The following CCDC60 variants were observed in gnomAD, a reference collection of about 807,000 sequenced individuals.
CCDC60 encodes the protein coiled-coil domain containing 60.
In CCDC60, 54 loss-of-function variants were observed where a neutral mutation model predicts 63.5. That is an observed-to-expected ratio of 0.85 (90% CI 0.68 to 1.07). The LOEUF is 1.07. Among genes scored for constraint, CCDC60 ranks in the 50% least tolerant of loss-of-function variants. The pLI is 0.00. For missense variants in CCDC60, 651 were observed against 684.3 expected (o/e 0.95, Z 0.54); for synonymous variants, 206 against 238.8 (o/e 0.86, Z 1.27).
chr12:119,540,783 C>T lies in CCDC60; in HGVS notation c.*68C>T. 9.1e-7 allele frequency: 1 copy of T among 1,098,244 alleles called. No homozygotes were observed. The highest frequency in any genetic ancestry group is 1.3e-5 in the South Asian group (1 of 77,296). 68.0% of individuals were successfully genotyped at this position (1,098,244 alleles called of 1,614,324 possible). On this transcript the variant is annotated 3_prime_UTR_variant, in exon 14 of 14. Transcript: ENST00000327554. ...GCCTATATCATGTTCCTGTATCCTG[C>T]CTGTGTTCCTGCCTCCTGACTACCC...
Position 119,346,832 on chromosome 12 carries a change from C to CTTTCTTTCTTTCTTTCTTTCT in CCDC60, c.90+11569_90+11570insCTTTCTTTCTTTCTTTCTTTT, listed in dbSNP as rs1555230529. The stretch of plus-strand genomic sequence containing the variant: ...TCTTTCTTTCTTTCTTTCTTTCTTT[C>CTTTCTTTCTTTCTTTCTTTCT]TTTTTTTTTTGAGACAGAGTCTTGC... On this transcript the variant is annotated intron_variant, in intron 1 of 13. Coordinates refer to ENST00000327554, the MANE Select transcript of CCDC60 (RefSeq NM_178499.5). Among the ~76,000 whole-genome samples the CTTTCTTTCTTTCTTTCTTTCT allele has an allele frequency of 9.4e-4, 86 of 91,076 alleles. 1 individual carries two copies. The highest frequency in any genetic ancestry group is 0.013 in the Middle Eastern group (2 of 158). The allele number at this position is 91,076 out of a possible 152,430, so 59.7% of individuals were successfully genotyped here.
At chr12:119,444,842 G>A (rs925624532) in intron 2 of CCDC60, among the ~76,000 whole-genome samples, 1 of 152,180 alleles carries the variant, frequency 6.6e-6, no homozygotes, top group African/African-American at 2.4e-5. Context: ...ATCCCTGCTC[G>A]ATCTAAGGGA....
At chr12:119,499,930 C>A (rs1388738651) in intron 5 of CCDC60, 148 bp from the exon 6 acceptor site, 9 of 683,698 alleles carry the variant, frequency 1.3e-5, no homozygotes, top group South Asian at 1.2e-4. Context: ...AACTATCCCC[C>A]CCATTTCTTC....
At chr12:119,534,194 G>A (rs13385160) in intron 13 of CCDC60, among the ~76,000 whole-genome samples, 6,895 of 152,198 alleles carry the variant, frequency 0.045, 469 homozygotes, top group African/African-American at 0.16. Flanking sequence ...GTGAATGGGA[G>A]TTCACCCATG....
In CCDC60 at chr12:119,335,235, G is replaced by A. The variant is rs150069433; in HGVS notation, c.59G>A (p.Arg20Gln). 1,247 of 1,604,104 alleles carry A rather than the reference G, an allele frequency of 7.8e-4. 1 individual carries two copies. The highest frequency in any genetic ancestry group is 6.6e-4 in the Non-Finnish European group (775 of 1,175,778). The change falls in exon 1 of 14, where the codon CGG becomes CAG. Residue 20 changes from arginine to glutamine, a missense_variant. Transcript: ENST00000327554. ...LQSSPNSGAV[R>Q]PFYASENLRQ... ...AGTTCCCCCAACTCGGGGGCTGTCCGGCCCTTTTATGCCTCGGAGAACCTA... is the reference window on the plus strand; with the variant it reads ...AGTTCCCCCAACTCGGGGGCTGTCCAGCCCTTTTATGCCTCGGAGAACCTA...
intron 4 of CCDC60, among the ~76,000 whole-genome samples, chr12:119,482,030 T>TATATATA (rs1477822227): frequency 1.6e-5 from 2 of 127,478 alleles, no homozygotes; most frequent in African/African-American, 6.4e-5. Context: ...TATATATGTG[T>TATATATA]GTATATATAT....
intron 2 of CCDC60, among the ~76,000 whole-genome samples, chr12:119,463,216 C>T (rs558118303): frequency 6.6e-6 from 1 of 152,208 alleles, no homozygotes; most frequent in Non-Finnish European, 1.5e-5. Context: ...ATGAGAGAAT[C>T]TGGACAACAG....
At chr12:119,477,226 G>T (rs973057848) in intron 3 of CCDC60, among the ~76,000 whole-genome samples, 2 of 152,196 alleles carry the variant, frequency 1.3e-5, no homozygotes, top group African/African-American at 4.8e-5. Context: ...GCCAGTTCCT[G>T]GTGCCCGGAA....
chr12:119,424,124 C>T (rs958853343), intron 1 of CCDC60, among the ~76,000 whole-genome samples: 1 of 152,104 alleles, frequency 6.6e-6, no homozygotes, highest in Non-Finnish European at 1.5e-5. Flanking sequence ...TATTTACTTC[C>T]AGCTTGTTAT....
chr12:119,508,371 C>T (rs979088444), intron 7 of CCDC60, among the ~76,000 whole-genome samples: 1 of 151,938 alleles, frequency 6.6e-6, no homozygotes, highest in Non-Finnish European at 1.5e-5. Context: ...GTCCCAGCTA[C>T]TCAGGAGGCT....
rs1368858215 is a variant in CCDC60 at position 119,507,614 on chromosome 12, A to ATATT, written c.883+2312_883+2313insATTT. Among the ~76,000 whole-genome samples, 414 of 50,490 alleles carry ATATT rather than the reference A, an allele frequency of 8.2e-3. 43 individuals are homozygous for ATATT. Among genetic ancestry groups the ATATT allele is most frequent in the Middle Eastern group, 0.026 (1 of 38 alleles). The allele number at this position is 50,490 out of a possible 152,430, so 33.1% of individuals were successfully genotyped here. ...TACATATATATATATATATATATAT[A>ATATT]TTTTTTTTTTTTTTTTCTAGAAACA... On this transcript the variant is annotated intron_variant, in intron 7 of 13. Coordinates refer to ENST00000327554, the MANE Select transcript of CCDC60 (RefSeq NM_178499.5).
At chr12:119,370,072 G>A (rs1055530414) in intron 1 of CCDC60, among the ~76,000 whole-genome samples, 6 of 152,156 alleles carry the variant, frequency 3.9e-5, no homozygotes, top group Non-Finnish European at 7.3e-5. Context: ...CTTTGAGGCC[G>A]CTTCAGGAAA....
chr12:119,541,029 A>C lies in CCDC60; in HGVS notation c.*314A>C. The stretch of plus-strand genomic sequence containing the variant: ...ACCTTCCTCAAGTACTGGAGAATAA[A>C]ATTGAACTGAATGTTTGATGTCTGT... On this transcript the variant is annotated 3_prime_UTR_variant, in exon 14 of 14. Transcript: ENST00000327554. 4.1e-6 allele frequency: 1 copy of C among 241,852 alleles called. No individual in the cohort carries two copies. Among genetic ancestry groups the C allele is most frequent in the Non-Finnish European group, 7.9e-6 (1 of 126,646 alleles). 15.0% of individuals were successfully genotyped at this position (241,852 alleles called of 1,614,324 possible). A position where few individuals can be genotyped will look rare whatever the true frequency, so the allele number is the denominator to read the frequency against.
intron 1 of CCDC60, among the ~76,000 whole-genome samples, chr12:119,349,045 TC>T (rs1672528512): frequency 6.6e-6 from 1 of 152,184 alleles, no homozygotes; most frequent in South Asian, 2.1e-4. Context: ...CATTATTAAT[TC>T]CATTTTACAG....
chr12:119,493,937 A>G (rs1395105550), intron 5 of CCDC60, among the ~76,000 whole-genome samples: 1 of 152,198 alleles, frequency 6.6e-6, no homozygotes, highest in East Asian at 1.9e-4. Context: ...ATCAAACACA[A>G]TATTTCTGCA....
rs551951445 is a variant in CCDC60 at position 119,394,973 on chromosome 12, C to T, written c.91-33710C>T. Among the ~76,000 whole-genome samples the T allele has an allele frequency of 4.6e-5, 7 of 152,294 alleles. No individual in the cohort carries two copies. In the East Asian group the frequency reaches 5.8e-4, roughly 13 times the overall value. Reference sequence around the variant, plus strand: ...GGAGAATTGAAGAAGGGGGTGCTTACGAAGGCTTCATAATGGTGAGGATAC... The same window carrying T: ...GGAGAATTGAAGAAGGGGGTGCTTATGAAGGCTTCATAATGGTGAGGATAC... On this transcript the variant is annotated intron_variant, in intron 1 of 13. Transcript: ENST00000327554.
At chr12:119,519,430 T>TGCAC (rs1303530018) in intron 8 of CCDC60, among the ~76,000 whole-genome samples, 52 of 131,672 alleles carry the variant, frequency 3.9e-4, no homozygotes, top group African/African-American at 1.5e-3. Context: ...TGTGTGTGTG[T>TGCAC]GTGTGCGCGT....
intron 7 of CCDC60, among the ~76,000 whole-genome samples, chr12:119,514,428 A>AGT (rs1952298767): frequency 6.6e-6 from 1 of 150,894 alleles, no homozygotes; most frequent in African/African-American, 2.4e-5. Context: ...TCATCAGGTG[A>AGT]TCCACCCACC....
rs57881806 is a variant in CCDC60 at position 119,430,667 on chromosome 12, C to CAAAA, written c.170+1916_170+1919dup. Among the ~76,000 whole-genome samples, 117 of 106,032 alleles carry CAAAA rather than the reference C, an allele frequency of 1.1e-3. 3 individuals are homozygous for CAAAA. In the Middle Eastern group the frequency reaches 0.021, roughly 19 times the overall value. The allele number at this position is 106,032 out of a possible 152,430, so 69.6% of individuals were successfully genotyped here. On this transcript the variant is annotated intron_variant, in intron 2 of 13. Transcript: ENST00000327554. ...GGGCAACACAGCAAGACTCTGTCTC[C>CAAAA]AAAAAAAAAAAAAAGTCACATGAGT... is the stretch of plus-strand genomic sequence containing the variant.
Sources: allele counts gnomAD v4.1 joint callset (sites outside exome capture counted in the v4.1 genomes callset), GRCh38; gene constraint gnomAD v4.1.1; transcripts MANE v1.5; gene names NCBI Gene and HGNC (gene_info 2026-07-23, HGNC 2026-07-21).